Variants in PCDHGB4 observed in about 807,000 individuals in gnomAD.
PCDHGB4 encodes protocadherin gamma-B4.
In PCDHGB4, 38 loss-of-function variants were observed where a neutral mutation model predicts 60.5. That is an observed-to-expected ratio of 0.63 (90% CI 0.48 to 0.82). The LOEUF is 0.82. Ranked by LOEUF, PCDHGB4 falls within the 40% of genes least tolerant of loss-of-function variation. The pLI, the probability that PCDHGB4 is intolerant of heterozygous loss-of-function variation, is 0.00. For synonymous variants in PCDHGB4, 456 were observed against 509.7 expected (o/e 0.89, Z 1.42); for missense variants, 1,109 against 1,209.6 (o/e 0.92, Z 1.23).
At chr5:141,480,021 C>T (rs1415230863) in intron 1 of PCDHGB4, among the ~76,000 whole-genome samples, 2 of 152,208 alleles carry the variant, frequency 1.3e-5, no homozygotes, top group East Asian at 3.8e-4. Flanking sequence ...AATCTCCTTT[C>T]TAAGCCTCTT....
Position 141,431,605 on chromosome 5 carries a change from G to A in PCDHGB4, c.2397+41324G>A. ...ATGCGGAAGTGAGGTATTCCTTCCGGTATGTGGACGACAAGGCGGCCCAAG... is the reference window on the plus strand; with the variant it reads ...ATGCGGAAGTGAGGTATTCCTTCCGATATGTGGACGACAAGGCGGCCCAAG... On this transcript the variant is annotated intron_variant, in intron 1 of 3. Transcript: ENST00000519479. This position sits in a 1 kb window ranked among gnomAD's most constrained non-coding sequence, Gnocchi z 4.8. 2 of 1,614,236 alleles carry A rather than the reference G, an allele frequency of 1.2e-6. No individual in the cohort carries two copies. The highest frequency in any genetic ancestry group is 1.7e-6 in the Non-Finnish European group (2 of 1,180,044).
Position 141,422,925 on chromosome 5 carries a change from T to G in PCDHGB4, c.2397+32644T>G, listed in dbSNP as rs568894245. On this transcript the variant is annotated intron_variant, in intron 1 of 3. Transcript: ENST00000519479. ...ACAATGCGCCCGAGATCCTGTACCC[T>G]GCCCTCCCCACAGACGGCTCCACTG... 1.9e-6 allele frequency: 3 copies of G among 1,614,202 alleles called. No individual in the cohort carries two copies. The Admixed American group carries it at 5.0e-5, about 27-fold the overall frequency.
intron 1 of PCDHGB4, among the ~76,000 whole-genome samples, chr5:141,456,460 C>G (rs1444956833): frequency 6.6e-6 from 1 of 152,002 alleles, no homozygotes; most frequent in East Asian, 1.9e-4. Context: ...AATATCAATA[C>G]AAGACATATA....
Position 141,432,169 on chromosome 5 carries a change from C to T in PCDHGB4, c.2397+41888C>T. On this transcript the variant is annotated intron_variant, in intron 1 of 3. Transcript: ENST00000519479. The surrounding 1 kb of genome is among the most constrained non-coding windows in gnomAD (Gnocchi z 6.0). ...CAGAGAACAATCCCAGAGGAGTTTCCCTCGTCTCTGTGACCGCCCACGACC... is the reference window on the plus strand; with the variant it reads ...CAGAGAACAATCCCAGAGGAGTTTCTCTCGTCTCTGTGACCGCCCACGACC... The T allele has an allele frequency of 6.2e-7, 1 of 1,614,204 alleles. No homozygotes were observed. The highest frequency in any genetic ancestry group is 1.6e-4 in the Middle Eastern group (1 of 6,062).
At chr5:141,473,470 A>G (rs555568617) in intron 1 of PCDHGB4, among the ~76,000 whole-genome samples, 2 of 151,816 alleles carry the variant, frequency 1.3e-5, no homozygotes, top group South Asian at 4.2e-4. Flanking sequence ...AGTTGTGCCA[A>G]GTTCAATGGA....
chr5:141,404,171 G>A (rs532466154), intron 1 of PCDHGB4: 1 of 1,612,734 alleles, frequency 6.2e-7, no homozygotes, highest in South Asian at 1.1e-5. Flanking sequence ...ATTGTTGACG[G>A]CCCAAATTCT....
intron 1 of PCDHGB4, among the ~76,000 whole-genome samples, chr5:141,456,287 C>T (rs951430060): frequency 1.3e-5 from 2 of 152,048 alleles, no homozygotes; most frequent in Non-Finnish European, 2.9e-5. Flanking sequence ...TGAAAAGGGG[C>T]GTCTAATGGA....
intron 1 of PCDHGB4, among the ~76,000 whole-genome samples, chr5:141,455,769 C>T (rs1371335785): frequency 2.6e-5 from 4 of 152,014 alleles, no homozygotes; most frequent in Admixed American, 2.6e-4. Flanking sequence ...AGAGCCGGGG[C>T]TTTAAAAGAA....
At chr5:141,418,655 G>A in intron 1 of PCDHGB4, 5 of 1,614,002 alleles carry the variant, frequency 3.1e-6, no homozygotes, top group Non-Finnish European at 4.2e-6. Flanking sequence ...GAGAGTGAAG[G>A]CCACTGACCA....
At chr5:141,405,441 A>G (rs1049992632) in intron 1 of PCDHGB4, 1 of 1,376,552 alleles carries the variant, frequency 7.3e-7, no homozygotes, top group Non-Finnish European at 1.0e-6. Context: ...TGTTTTTGAG[A>G]CAGAGTCTTA....
At chr5:141,482,239 A>G (rs529504334) in intron 1 of PCDHGB4, among the ~76,000 whole-genome samples, 31 of 152,332 alleles carry the variant, frequency 2.0e-4, no homozygotes, top group Middle Eastern at 3.4e-3. Context: ...TGCCAATATA[A>G]GTATAGTACT....
rs575968401 is a variant in PCDHGB4 at position 141,389,813 on chromosome 5, C to G, written c.1929C>G (p.Ala643=). The G allele has an allele frequency of 1.3e-5, 21 of 1,613,846 alleles. No homozygotes were observed. The highest frequency in any genetic ancestry group is 2.2e-5 in the South Asian group (2 of 91,066). Residue 643 remains alanine (A), a synonymous_variant, in exon 1 of 4, where the codon GCC becomes GCG. Coordinates refer to ENST00000519479, the MANE Select transcript of PCDHGB4 (RefSeq NM_003736.4). The stretch of plus-strand genomic sequence containing the variant: ...CCGTCCGCCAGCGCCTTCTGGTCGC[C>G]GTGCGTGACGGTGGACAGCCACCAC... ...RDAVRQRLLV[A]VRDGGQPPLS...
At position 141,487,681 on chromosome 5, in the gene PCDHGB4, T is replaced by C. The variant is rs754032560; in HGVS notation, c.2398-7126T>C. The stretch of plus-strand genomic sequence containing the variant: ...CTGATCCAGGCATATGGCTAGGCCA[T>C]GTCCTAGAGAGTACTGGCCTCTCAG... On this transcript the variant is annotated intron_variant, in intron 1 of 3. Coordinates refer to ENST00000519479, the MANE Select transcript of PCDHGB4 (RefSeq NM_003736.4). The surrounding 1 kb of genome is among the most constrained non-coding windows in gnomAD (Gnocchi z 5.0). 1.1e-5 allele frequency: 18 copies of C among 1,608,852 alleles called. No individual in the cohort carries two copies. The highest frequency in any genetic ancestry group is 4.5e-5 in the East Asian group (2 of 44,816).
At chr5:141,507,283 G>T (rs917383969) in intron 3 of PCDHGB4, 2 of 150,498 alleles carry the variant, frequency 1.3e-5, no homozygotes, top group Non-Finnish European at 2.9e-5. Context: ...GCATAAGTCA[G>T]TCTCAAATGT....
rs1460389320 is a variant in PCDHGB4 at position 141,490,134 on chromosome 5, C to T, written c.2398-4673C>T. The T allele has an allele frequency of 2.5e-6, 4 of 1,614,114 alleles. No homozygotes were observed. Among genetic ancestry groups the T allele is most frequent in the Admixed American group, 3.3e-5 (2 of 59,998 alleles). ...GGAACCTCTTTGGCCTAGACCCTAG[C>T]AGTGGGGCAATCCATGTGTTGGGTC... On this transcript the variant is annotated intron_variant, in intron 1 of 3. Coordinates refer to ENST00000519479, the MANE Select transcript of PCDHGB4 (RefSeq NM_003736.4). This position sits in a 1 kb window ranked among gnomAD's most constrained non-coding sequence, Gnocchi z 5.4.
chr5:141,511,713 C>T lies in PCDHGB4; in HGVS notation c.*540C>T. 5.4e-6 allele frequency: 1 copy of T among 186,446 alleles called. No individual in the cohort carries two copies. Among genetic ancestry groups the T allele is most frequent in the Admixed American group, 5.3e-5 (1 of 18,840 alleles). The allele number at this position is 186,446 out of a possible 1,614,324, so 11.5% of individuals were successfully genotyped here. ...TTGGTGCCAGCCCCTTCACCTCCTT[C>T]CAGAGCCCAAGATCAATGCTCAAGT... On this transcript the variant is annotated 3_prime_UTR_variant, in exon 4 of 4. Transcript: ENST00000519479.
At chr5:141,395,578 G>A (rs2093281923) in intron 1 of PCDHGB4, 1 of 227,714 alleles carries the variant, frequency 4.4e-6, no homozygotes, top group East Asian at 9.3e-5. Flanking sequence ...GTGTGTGTGT[G>A]TGTGTGTGTG....
intron 3 of PCDHGB4, among the ~76,000 whole-genome samples, chr5:141,509,049 C>G (rs1384134813): frequency 3.3e-5 from 5 of 152,150 alleles, no homozygotes; most frequent in Non-Finnish European, 5.9e-5. Context: ...TCCCCCGCCC[C>G]CAGAAAGCTC....
At chr5:141,415,395 CGGCTCGCACTTT>C (rs2095864519) in intron 1 of PCDHGB4, 2 of 1,614,092 alleles carry the variant, frequency 1.2e-6, no homozygotes. Flanking sequence ...CAGGTGTGTC[CGGCTCGCACTTT>C]GTGGGCGTGG....
Sources: allele counts gnomAD v4.1 joint callset (sites outside exome capture counted in the v4.1 genomes callset), GRCh38; gene constraint gnomAD v4.1.1; non-coding constraint Gnocchi (gnomAD v3.1); transcripts MANE v1.5; gene names NCBI Gene and HGNC (gene_info 2026-07-23, HGNC 2026-07-21).